Variants in SLC14A2 observed in about 807,000 individuals in gnomAD.
SLC14A2 encodes the protein urea transporter 2.
Under a neutral mutation model 104.6 loss-of-function variants are expected in SLC14A2, and 91 were observed. The observed-to-expected ratio is 0.87, with a 90% CI of 0.73 to 1.04. SLC14A2 has a LOEUF of 1.04. Among genes scored for constraint, SLC14A2 ranks in the 50% least tolerant of loss-of-function variants. The probability of loss-of-function intolerance (pLI) is 0.00; values close to 1 mark genes in which losing one functional copy is unlikely to be tolerated. For missense variants in SLC14A2, 1,189 were observed against 1,156.0 expected (o/e 1.03, Z -0.41); for synonymous variants, 476 against 466.4 (o/e 1.02, Z -0.27).
chr18:45,625,942 C>T, intron 3 of SLC14A2, 79 bp downstream of exon 3: 8 of 1,133,844 alleles, frequency 7.1e-6, no homozygotes, highest in Non-Finnish European at 9.4e-6. Context: ...TGGTCCAAAG[C>T]TTCTCCCTCA....
chr18:45,188,703 C>T, the SLC14A2 span, among the ~76,000 whole-genome samples: 1 of 152,168 alleles, frequency 6.6e-6, no homozygotes, highest in South Asian at 2.1e-4. Flanking sequence ...TGCCTTGTCC[C>T]TCCCAGACTT....
intron 2 of SLC14A2, among the ~76,000 whole-genome samples, chr18:45,484,632 G>A (rs2087563106): frequency 6.6e-6 from 1 of 152,156 alleles, no homozygotes; most frequent in Non-Finnish European, 1.5e-5. Flanking sequence ...AGGTTTCAAG[G>A]TTGTTCTCCA....
At chr18:45,281,870 A>G (rs2084766107) in intron 1 of SLC14A2, among the ~76,000 whole-genome samples, 1 of 152,200 alleles carries the variant, frequency 6.6e-6, no homozygotes, top group Non-Finnish European at 1.5e-5. Context: ...ATCAGAGGTC[A>G]GCCTTGTTCA....
chr18:45,308,372 C>A (rs1262965185), intron 1 of SLC14A2, among the ~76,000 whole-genome samples: 1 of 152,220 alleles, frequency 6.6e-6, no homozygotes, highest in African/African-American at 2.4e-5. Flanking sequence ...AGTGGCATGG[C>A]TGAAATTTAA....
intron 1 of SLC14A2, among the ~76,000 whole-genome samples, chr18:45,324,163 G>A (rs1418633324): frequency 1.3e-5 from 2 of 152,112 alleles, no homozygotes; most frequent in Non-Finnish European, 2.9e-5. Context: ...TAGCTGTTCA[G>A]TAAGTATCTA....
chr18:45,538,820 G>A (rs2043838385), intron 2 of SLC14A2, among the ~76,000 whole-genome samples: 1 of 144,972 alleles, frequency 6.9e-6, no homozygotes, highest in African/African-American at 2.5e-5. Flanking sequence ...GAGATGAGAA[G>A]AAATGACCAA....
intron 6 of SLC14A2, among the ~76,000 whole-genome samples, chr18:45,638,964 A>G (rs996240293): frequency 6.6e-6 from 1 of 152,156 alleles, no homozygotes; most frequent in South Asian, 2.1e-4. Context: ...AATATCGACA[A>G]TTCAGCCTGG....
rs760948390 is a variant in SLC14A2 at position 45,669,306 on chromosome 18, C to A, written c.2037C>A (p.Cys679Ter). ...GCATCTCTCATGCTTCTGCCATCAG[C>A]CCCATCCTCTCCAGTGCCCTGGGTA... ...LLPVIIMSMS[C>*]PILSSALGTI... The change falls in exon 16 of 20, where the codon TGC becomes TGA. Residue 679 changes from cysteine (C) to a stop codon, truncating the protein, a stop_gained and splice_region_variant. Coordinates refer to ENST00000255226, the MANE Select transcript of SLC14A2 (RefSeq NM_007163.4). LOFTEE classifies it high-confidence loss of function. The A allele has an allele frequency of 1.9e-6, 3 of 1,611,010 alleles. No homozygotes were observed. Among genetic ancestry groups the A allele is most frequent in the African/African-American group, 1.3e-5 (1 of 75,048 alleles).
intron 7 of SLC14A2, among the ~76,000 whole-genome samples, chr18:45,640,562 CA>C (rs1555716900): frequency 6.6e-6 from 1 of 152,160 alleles, no homozygotes; most frequent in Non-Finnish European, 1.5e-5. Context: ...CTCTTTCTGA[CA>C]ACAGAGTCAG....
intron 2 of SLC14A2, among the ~76,000 whole-genome samples, chr18:45,525,828 T>A (rs1289413358): frequency 6.6e-6 from 1 of 152,192 alleles, no homozygotes; most frequent in African/African-American, 2.4e-5. Context: ...AAATTCAAAT[T>A]TGCAGGAGAT....
chr18:45,239,013 T>C (rs375664323), intron 1 of SLC14A2, among the ~76,000 whole-genome samples: 1 of 152,160 alleles, frequency 6.6e-6, no homozygotes, highest in Admixed American at 6.6e-5. Context: ...AATAAGTGTA[T>C]ATAAGATAAA....
rs1423285225 is a variant in SLC14A2 at position 45,583,158 on chromosome 18, G to A, written c.-34-41473G>A. 2.0e-5 allele frequency among the ~76,000 whole-genome samples: 3 copies of A among 152,294 alleles called. No homozygotes were observed. In the East Asian group the frequency reaches 5.8e-4, roughly 29 times the overall value. ...CATGTTCTACACAGCTTTCTTCCTT[G>A]TGCTCTAAATCCTCTTTCACTATCA... is the stretch of plus-strand genomic sequence containing the variant. On this transcript the variant is annotated intron_variant, in intron 2 of 20. Coordinates refer to the SLC14A2 transcript ENST00000586448.
At chr18:45,585,851 T>C (rs964812580) in intron 2 of SLC14A2, among the ~76,000 whole-genome samples, 1 of 152,168 alleles carries the variant, frequency 6.6e-6, no homozygotes, top group African/African-American at 2.4e-5. Flanking sequence ...CGAGAGTCCT[T>C]GAGTGCCTGT....
chr18:45,556,478 T>C (rs2044134692), intron 2 of SLC14A2, among the ~76,000 whole-genome samples: 1 of 152,190 alleles, frequency 6.6e-6, no homozygotes, highest in Admixed American at 6.5e-5. Context: ...ATACCTCCAG[T>C]AGCGCATAGA....
intron 1 of SLC14A2, among the ~76,000 whole-genome samples, chr18:45,408,464 T>G (rs1439798297): frequency 6.6e-6 from 1 of 152,154 alleles, no homozygotes; most frequent in African/African-American, 2.4e-5. Flanking sequence ...CTTCCCTGAA[T>G]AGAGTACCAT....
At chr18:45,534,112 T>G (rs1275144116) in intron 2 of SLC14A2, among the ~76,000 whole-genome samples, 1 of 152,194 alleles carries the variant, frequency 6.6e-6, no homozygotes, top group Non-Finnish European at 1.5e-5. Flanking sequence ...GTGATTTTGC[T>G]TGGGAAGGTG....
intron 1 of SLC14A2, among the ~76,000 whole-genome samples, chr18:45,449,692 G>A (rs2086827520): frequency 6.6e-6 from 1 of 152,208 alleles, no homozygotes; most frequent in Non-Finnish European, 1.5e-5. Flanking sequence ...ATATTAAGAA[G>A]AGAAGGAGTT....
chr18:45,227,474 G>A (rs775616906), intron 1 of SLC14A2, among the ~76,000 whole-genome samples: 1 of 152,204 alleles, frequency 6.6e-6, no homozygotes, highest in Non-Finnish European at 1.5e-5. Flanking sequence ...TTGGTCTGGT[G>A]AGATCCTTCT....
At position 45,625,724 on chromosome 18, in the gene SLC14A2, C is replaced by T. The variant is rs767916603; in HGVS notation, c.192C>T (p.Ile64=). The T allele has an allele frequency of 5.8e-6, 9 of 1,561,880 alleles. No homozygotes were observed. The highest frequency in any genetic ancestry group is 1.7e-4 in the Middle Eastern group (1 of 5,970). ...ATGAAGACAGTCACATTGTGAAGAT[C>T]GAAAAGCTCAATGAAAGGAGTAAAA... ...SSNEDSHIVK[I]EKLNERSKRK... is the part of the protein sequence containing the mutation. The change falls in exon 3 of 20, where the codon ATC becomes ATT. Residue 64 remains isoleucine (I), a synonymous_variant. Transcript: ENST00000255226.
Sources: allele counts gnomAD v4.1 joint callset (sites outside exome capture counted in the v4.1 genomes callset), GRCh38; gene constraint gnomAD v4.1.1; transcripts MANE v1.5; gene names NCBI Gene and HGNC (gene_info 2026-07-23, HGNC 2026-07-21).